Variants in IFT140 observed in about 807,000 individuals in gnomAD.
The protein encoded by IFT140 is intraflagellar transport 140.
IFT140 carries 133 observed loss-of-function variants against 164.6 expected under a neutral mutation model. The observed-to-expected ratio is 0.81, with a 90% CI of 0.70 to 0.93. The LOEUF is 0.93. IFT140 is among the 40% of genes least tolerant of loss of function. IFT140 has a pLI of 0.00. For missense variants in IFT140, 2,045 were observed against 1,972.3 expected (o/e 1.04, Z -0.70); for synonymous variants, 860 against 817.3 (o/e 1.05, Z -0.89).
rs775694591 is a variant in IFT140 at position 1,519,978 on chromosome 16, C to A, written c.3943G>T (p.Ala1315Ser). The A allele has an allele frequency of 1.2e-6, 2 of 1,607,268 alleles. No homozygotes were observed. The highest frequency in any genetic ancestry group is 1.7e-6 in the Non-Finnish European group (2 of 1,177,304). Residue 1315 changes from alanine to serine, a missense_variant, in exon 29 of 31, where the codon GCC (alanine) becomes TCC (serine). Ala to Ser is a moderately conservative substitution (Grantham distance 99, BLOSUM62 1). Coordinates refer to ENST00000426508, the MANE Select transcript of IFT140 (RefSeq NM_014714.4). The stretch of plus-strand genomic sequence containing the variant: ...AGGGGGCTCTTGGCCTTGGCCTTGG[C>A]CAGGCACTTGTAGGCCTCGGTCAGC... ...GALTEAYKCL[A>S]KAKAKSPLDQ... is the part of the protein sequence containing the mutation.
At chr16:1,550,244 G>A (rs773212717) in intron 19 of IFT140, among the ~76,000 whole-genome samples, 2 of 152,076 alleles carry the variant, frequency 1.3e-5, no homozygotes, top group African/African-American at 2.4e-5. Context: ...CAGCCCCTTC[G>A]TCTTCTATAT....
chr16:1,535,316 G>A (rs1285765357), intron 19 of IFT140, among the ~76,000 whole-genome samples: 1 of 152,158 alleles, frequency 6.6e-6, no homozygotes, highest in Non-Finnish European at 1.5e-5. Flanking sequence ...GGGTTTGAGT[G>A]GCAGGTGTGA....
intron 19 of IFT140, chr16:1,542,101 A>G: frequency 2.6e-6 from 4 of 1,562,862 alleles, no homozygotes; most frequent in Non-Finnish European, 3.5e-6. Flanking sequence ...GGGTGTGGCC[A>G]CCGCGCCCTT....
chr16:1,557,942 T>C lies in IFT140; in HGVS notation c.2392A>G (p.Ile798Val), dbSNP rs2033193753. The change falls in exon 19 of 31, where the codon ATC becomes GTC. Residue 798 changes from isoleucine (I) to valine (V), a missense_variant. By Grantham distance (29) the Ile-to-Val change is conservative. Coordinates refer to ENST00000426508, the MANE Select transcript of IFT140 (RefSeq NM_014714.4). ...AGTGGTCGGGATCCTCACCTTTTGA[T>C]GAGCTTGATGGATTTGAAGGCTTCG... The part of the protein sequence containing the change: ...MDEAFKSIKL[I>V]KSEAVWENMA... 1 of 1,611,154 alleles carries C rather than the reference T, an allele frequency of 6.2e-7. No individual in the cohort carries two copies. The highest frequency in any genetic ancestry group is 1.1e-5 in the South Asian group (1 of 91,016).
At chr16:1,536,286 C>G (rs1229341832) in intron 19 of IFT140, among the ~76,000 whole-genome samples, 1 of 152,216 alleles carries the variant, frequency 6.6e-6, no homozygotes, top group Non-Finnish European at 1.5e-5. Flanking sequence ...CTGGCACGAC[C>G]TATGCATCCG....
In IFT140 at chr16:1,564,088, C is replaced by A; in HGVS notation, c.1976G>T (p.Arg659Leu). Reference sequence around the variant, plus strand: ...CTGCACGGCTTCGCATACAAACAGCCGGGGCTCACTCTGGTCCCAGAAGTG... The same window carrying A: ...CTGCACGGCTTCGCATACAAACAGCAGGGGCTCACTCTGGTCCCAGAAGTG... ...VNHFWDQSEP[R>L]LFVCEAVQET... Residue 659 changes from arginine (R) to leucine (L), a missense_variant, in exon 17 of 31, where the codon CGG becomes CTG. Coordinates refer to ENST00000426508, the MANE Select transcript of IFT140 (RefSeq NM_014714.4). The surrounding 1 kb of genome is among the most constrained non-coding windows in gnomAD (Gnocchi z 5.5). The A allele has an allele frequency of 6.2e-7, 1 of 1,604,612 alleles. No homozygotes were observed. The highest frequency in any genetic ancestry group is 2.2e-5 in the East Asian group (1 of 44,448).
chr16:1,510,923 T>C lies in IFT140; in HGVS notation c.*21A>G, dbSNP rs758511414. On this transcript the variant is annotated 3_prime_UTR_variant, in exon 31 of 31. Transcript: ENST00000426508. ...AAGATGCCTTTCTGCAGCAGCACGC[T>C]GGTCCTGGGGCCCAGGCCCCTCAGG... 2.5e-6 allele frequency: 4 copies of C among 1,603,434 alleles called. No individual in the cohort carries two copies. The highest frequency in any genetic ancestry group is 2.1e-4 in the Middle Eastern group (1 of 4,858).
In IFT140 at chr16:1,553,406, C is replaced by G; in HGVS notation, c.2399+4529G>C. ...GCATGATTTGGTTTCCTGGGGAATGCAGGGGAGGCGGTTGGGAGTGGAGAG... is the reference window on the plus strand; with the variant it reads ...GCATGATTTGGTTTCCTGGGGAATGGAGGGGAGGCGGTTGGGAGTGGAGAG... On this transcript the variant is annotated intron_variant, in intron 19 of 30. Coordinates refer to ENST00000426508, the MANE Select transcript of IFT140 (RefSeq NM_014714.4). The surrounding 1 kb of genome is among the most constrained non-coding windows in gnomAD (Gnocchi z 4.4). 1 of 985,376 alleles carries G rather than the reference C, an allele frequency of 1.0e-6. No individual in the cohort carries two copies. Among genetic ancestry groups the G allele is most frequent in the African/African-American group, 1.7e-5 (1 of 57,326 alleles). 61.0% of individuals were successfully genotyped at this position (985,376 alleles called of 1,614,324 possible). A position where few individuals can be genotyped will look rare whatever the true frequency, so the allele number is the denominator to read the frequency against.
intron 3 of IFT140, 132 bp from the exon 4 acceptor site, chr16:1,602,723 C>A: frequency 1.3e-6 from 1 of 785,774 alleles, no homozygotes; most frequent in East Asian, 2.7e-5. Context: ...GGGTGGATCA[C>A]AAAGTCAGGA....
In IFT140 at chr16:1,520,624, G is replaced by C; in HGVS notation, c.3638C>G (p.Thr1213Arg). ...CACCTTCAGCTTGTTGCCGGCCTGC[G>C]TGTACTTCTTGGTGGCCAGGTGGTA... is the stretch of plus-strand genomic sequence containing the variant. ...GSYHLATKKY[T>R]QAGNKLKAMR... is the part of the protein sequence containing the mutation. Residue 1213 changes from threonine to arginine, a missense_variant, in exon 27 of 31, where the codon ACG becomes AGG. Thr to Arg is a moderately conservative substitution (Grantham distance 71). Coordinates refer to ENST00000426508, the MANE Select transcript of IFT140 (RefSeq NM_014714.4). 6.3e-7 allele frequency: 1 copy of C among 1,594,868 alleles called. No homozygotes were observed. Among genetic ancestry groups the C allele is most frequent in the Non-Finnish European group, 8.6e-7 (1 of 1,169,320 alleles).
intron 19 of IFT140, among the ~76,000 whole-genome samples, chr16:1,538,264 C>T (rs1225711982): frequency 1.3e-5 from 2 of 152,178 alleles, no homozygotes; most frequent in African/African-American, 4.8e-5. Flanking sequence ...ACGGCTGCTG[C>T]ACAGAGCCCC....
Position 1,523,651 on chromosome 16 carries a change from A to G in IFT140, c.3320T>C (p.Phe1107Ser), listed in dbSNP as rs951468438. The G allele has an allele frequency of 1.9e-6, 3 of 1,613,784 alleles. No homozygotes were observed. In the African/African-American group the frequency reaches 4.0e-5, roughly 22 times the overall value. ...ALELAFATQQ[F>S]VALQLIAEDL... ...CTCTGCTATGAGCTGTAGGGCCACA[A>G]ACTGCTGGGTGGCAAAGGCCAGCTC... Residue 1107 changes from phenylalanine to serine, a missense_variant, in exon 26 of 31, where the codon TTT becomes TCT. Coordinates refer to ENST00000426508, the MANE Select transcript of IFT140 (RefSeq NM_014714.4).
At chr16:1,576,277 C>T (rs560471808) in intron 13 of IFT140, among the ~76,000 whole-genome samples, 74 of 137,996 alleles carry the variant, frequency 5.4e-4, no homozygotes, top group Non-Finnish European at 1.0e-3. Context: ...CAGAGTGAGA[C>T]TCTGTCTTTA....
Position 1,583,376 on chromosome 16 carries a change from G to A in IFT140, c.1370C>T (p.Ala457Val), listed in dbSNP as rs2034682672. The change falls in exon 12 of 31, where the codon GCA becomes GTA. Residue 457 changes from alanine to valine, a missense_variant. Coordinates refer to ENST00000426508, the MANE Select transcript of IFT140 (RefSeq NM_014714.4). The stretch of plus-strand genomic sequence containing the variant: ...CGCCACCTGCCTTCCGTTCCAGACT[G>A]CGACAGCATCCTGAAAAGAACCACG... ...SGVFATKDAV[A>V]VWNGRQVAIF... The A allele has an allele frequency of 1.1e-5, 17 of 1,614,134 alleles. No homozygotes were observed. The highest frequency in any genetic ancestry group is 1.4e-5 in the Non-Finnish European group (16 of 1,179,990).
chr16:1,554,955 G>A, intron 19 of IFT140: 2 of 1,614,084 alleles, frequency 1.2e-6, no homozygotes, highest in Non-Finnish European at 1.7e-6. Context: ...CCGGGTGATT[G>A]TCATCAGCCG....
intron 5 of IFT140, 26 bp from the exon 6 acceptor site, chr16:1,592,344 A>G (rs1388940242): frequency 6.2e-7 from 1 of 1,613,816 alleles, no homozygotes; most frequent in African/African-American, 1.3e-5. Context: ...ACACGAAGCA[A>G]GATTCTTCTG....
Position 1,510,549 on chromosome 16 carries a change from C to G in IFT140, c.*395G>C. ...AGCTGTTGCTCAGGAGCCGTGGGCC[C>G]TGCAGGAGTATGGGGAGGATATGAT... On this transcript the variant is annotated 3_prime_UTR_variant, in exon 31 of 31. Coordinates refer to ENST00000426508, the MANE Select transcript of IFT140 (RefSeq NM_014714.4). 1 of 291,334 alleles carries G rather than the reference C, an allele frequency of 3.4e-6. No homozygotes were observed. Among genetic ancestry groups the G allele is most frequent in the Non-Finnish European group, 6.5e-6 (1 of 154,058 alleles). The allele number at this position is 291,334 out of a possible 1,614,324, so 18.0% of individuals were successfully genotyped here. A position where few individuals can be genotyped will look rare whatever the true frequency, so the allele number is the denominator to read the frequency against.
In IFT140 at chr16:1,592,312, C is replaced by G; in HGVS notation, c.498G>C (p.Leu166=). The G allele has an allele frequency of 2.5e-6, 4 of 1,614,146 alleles. No homozygotes were observed. Among genetic ancestry groups the G allele is most frequent in the Non-Finnish European group, 3.4e-6 (4 of 1,180,022 alleles). ...TCACAGCTGCCTTTGCCAACTGAAC[C>G]AGGTCCCTGAAAGCAAACACGACAC... ...IFRLPPPGED[L]VQLAKAAVSG... Residue 166 remains leucine (L), a synonymous_variant, in exon 6 of 31, where the codon CTG becomes CTC. Coordinates refer to ENST00000426508, the MANE Select transcript of IFT140 (RefSeq NM_014714.4).
chr16:1,569,330 A>G (rs562591690), intron 14 of IFT140, among the ~76,000 whole-genome samples: 1 of 152,066 alleles, frequency 6.6e-6, no homozygotes, highest in South Asian at 2.1e-4. Flanking sequence ...TCTATGGGAC[A>G]CCTGTCTCTT....
Sources: allele counts gnomAD v4.1 joint callset (sites outside exome capture counted in the v4.1 genomes callset), GRCh38; gene constraint gnomAD v4.1.1; non-coding constraint Gnocchi (gnomAD v3.1); transcripts MANE v1.5; gene names NCBI Gene and HGNC (gene_info 2026-07-23, HGNC 2026-07-21).